The following ARSJ variants were observed in gnomAD, a reference collection of about 807,000 sequenced individuals.
The protein encoded by ARSJ is arylsulfatase family member J.
Under a neutral mutation model 35.9 loss-of-function variants are expected in ARSJ, and 26 were observed. The ratio of observed to expected loss-of-function variants is 0.72; its 90% CI spans 0.53 to 1.00. The LOEUF is 1.00. Among genes scored for constraint, ARSJ ranks in the 50% least tolerant of loss-of-function variants. ARSJ has a pLI of 0.00. For synonymous variants in ARSJ, 294 were observed against 267.6 expected (o/e 1.10, Z -0.96); for missense variants, 667 against 723.6 (o/e 0.92, Z 0.90).
chr4:113,942,556 G>A (rs1042531862), intron 1 of ARSJ, among the ~76,000 whole-genome samples: 19 of 151,878 alleles, frequency 1.3e-4, no homozygotes, highest in Non-Finnish European at 1.9e-4. Flanking sequence ...AGGCTACTTC[G>A]AATGCCATCT....
intron 1 of ARSJ, among the ~76,000 whole-genome samples, chr4:113,936,296 T>C (rs1724763146): frequency 6.6e-6 from 1 of 151,924 alleles, no homozygotes; most frequent in Non-Finnish European, 1.5e-5. Context: ...CACTGATAAG[T>C]GATATTTGTT....
rs532669672 is a variant in ARSJ, at chr4:113,978,805, C to T, written c.30G>A (p.Pro10=). 91 of 1,611,782 alleles carry T rather than the reference C, an allele frequency of 5.6e-5. No homozygotes were observed. The highest frequency in any genetic ancestry group is 9.9e-5 in the South Asian group (9 of 90,732). The part of the protein sequence containing the change: MAPRGCAGH[P]PPPSPQACVC... ...CACAGGCCTGTGGAGAAGGCGGAGG[C>T]GGATGCCCCGCACAGCCCCTGGGAG... The change falls in exon 1 of 2, where the codon CCG becomes CCA. Residue 10 remains proline (P), a synonymous_variant. Transcript: ENST00000315366.
chr4:113,973,170 T>C (rs1350891077), intron 1 of ARSJ, among the ~76,000 whole-genome samples: 3 of 152,226 alleles, frequency 2.0e-5, no homozygotes, highest in Non-Finnish European at 4.4e-5. Context: ...ATACTTTGCC[T>C]TCCTTACTTC....
At chr4:113,935,164 T>G (rs1724689779) in intron 1 of ARSJ, among the ~76,000 whole-genome samples, 1 of 151,828 alleles carries the variant, frequency 6.6e-6, no homozygotes, top group Non-Finnish European at 1.5e-5. Context: ...TAACTAAAGA[T>G]AGCTAGTCAG....
chr4:113,961,739 T>G (rs184667840), intron 1 of ARSJ, among the ~76,000 whole-genome samples: 6 of 152,250 alleles, frequency 3.9e-5, no homozygotes, highest in Non-Finnish European at 8.8e-5. Context: ...CTTCAAGTTT[T>G]AACAAAAATC....
chr4:113,964,460 T>C (rs925568771), intron 1 of ARSJ, among the ~76,000 whole-genome samples: 9 of 152,104 alleles, frequency 5.9e-5, no homozygotes, highest in Non-Finnish European at 1.3e-4. Context: ...AAAATAAGAA[T>C]ATATAAACTT....
intron 1 of ARSJ, among the ~76,000 whole-genome samples, chr4:113,952,289 C>T (rs1230374773): frequency 6.6e-6 from 1 of 152,066 alleles, no homozygotes; most frequent in Admixed American, 6.6e-5. Flanking sequence ...ATCACCAATT[C>T]CTGTAGTAAC....
At chr4:113,965,577 C>A (rs1172173898) in intron 1 of ARSJ, among the ~76,000 whole-genome samples, 2 of 151,896 alleles carry the variant, frequency 1.3e-5, no homozygotes, top group African/African-American at 2.4e-5. Context: ...TATAGATATA[C>A]ACATATATAG....
chr4:113,948,763 A>G (rs929735620), intron 1 of ARSJ, among the ~76,000 whole-genome samples: 1 of 152,136 alleles, frequency 6.6e-6, no homozygotes, highest in African/African-American at 2.4e-5. Context: ...GCACTGTGAC[A>G]TGGAGGAGTT....
chr4:113,922,851 T>G (rs1723770347), intron 1 of ARSJ, among the ~76,000 whole-genome samples: 1 of 152,144 alleles, frequency 6.6e-6, no homozygotes, highest in African/African-American at 2.4e-5. Flanking sequence ...CTATGTAAAG[T>G]TTAATTTTAT....
At chr4:113,904,524 G>A (rs573940959) in intron 1 of ARSJ, among the ~76,000 whole-genome samples, 3 of 152,096 alleles carry the variant, frequency 2.0e-5, no homozygotes, top group South Asian at 4.1e-4. Flanking sequence ...TCGCTCTGTC[G>A]CCCAGGCTGG....
At chr4:113,944,474 T>A (rs28442034) in intron 1 of ARSJ, among the ~76,000 whole-genome samples, 3,215 of 152,204 alleles carry the variant, frequency 0.021, 114 homozygotes, top group African/African-American at 0.073. Context: ...AGAGATCTAT[T>A]AACTACAATA....
rs775066916 is a variant in ARSJ at position 113,903,432 on chromosome 4, A to G, written c.642T>C (p.Ser214=). The part of the protein sequence containing the change: ...GDYYTHYKCD[S]PGMCGYDLYE... Reference sequence around the variant, plus strand: ...ACAAGTCATAGCCACACATCCCAGGACTGTCACATTTGTAGTGTGTATAGT... The same window carrying G: ...ACAAGTCATAGCCACACATCCCAGGGCTGTCACATTTGTAGTGTGTATAGT... The change falls in exon 2 of 2, where the codon AGT becomes AGC. Residue 214 remains serine (S), a synonymous_variant. Transcript: ENST00000315366. 6.8e-6 allele frequency: 11 copies of G among 1,614,158 alleles called. No homozygotes were observed. The highest frequency in any genetic ancestry group is 6.8e-6 in the Non-Finnish European group (8 of 1,180,022).
chr4:113,904,198 C>T (rs567570693), intron 1 of ARSJ, among the ~76,000 whole-genome samples: 3 of 152,038 alleles, frequency 2.0e-5, no homozygotes, highest in East Asian at 1.9e-4. Context: ...CAAAGTGCTG[C>T]GATTACAGGT....
rs72893499 is a variant in ARSJ, at chr4:113,954,844, T to C, written c.398+23593A>G. Among the ~76,000 whole-genome samples the C allele has an allele frequency of 1.0e-2, 1,515 of 152,180 alleles. 21 individuals carry two copies. Among genetic ancestry groups the C allele is most frequent in the African/African-American group, 0.034 (1,414 of 41,558 alleles). On this transcript the variant is annotated intron_variant, in intron 1 of 1. Transcript: ENST00000315366. Reference sequence around the variant, plus strand: ...CCAGATGTCTGGAAGCTCTTAGAGATGATTTTTATTTTTTCTAATACAGTC... The same window carrying C: ...CCAGATGTCTGGAAGCTCTTAGAGACGATTTTTATTTTTTCTAATACAGTC...
intron 1 of ARSJ, among the ~76,000 whole-genome samples, chr4:113,971,844 TG>T (rs943421843): frequency 2.6e-5 from 4 of 152,132 alleles, no homozygotes; most frequent in African/African-American, 9.7e-5. Flanking sequence ...AAGAAGTGGA[TG>T]GAAGAGGAAG....
intron 1 of ARSJ, among the ~76,000 whole-genome samples, chr4:113,965,630 A>G (rs1726844235): frequency 6.6e-6 from 1 of 152,156 alleles, no homozygotes; most frequent in Non-Finnish European, 1.5e-5. Context: ...CTAAGAATAT[A>G]TATTAGAGGG....
chr4:113,935,163 A>T (rs1209500818), intron 1 of ARSJ, among the ~76,000 whole-genome samples: 1 of 151,900 alleles, frequency 6.6e-6, no homozygotes, highest in Non-Finnish European at 1.5e-5. Context: ...TTAACTAAAG[A>T]TAGCTAGTCA....
In ARSJ at chr4:113,966,973, T is replaced by C. The variant is rs57267413; in HGVS notation, c.398+11464A>G. Among the ~76,000 whole-genome samples, 2,045 of 152,258 alleles carry C rather than the reference T, an allele frequency of 0.013. 115 individuals are homozygous for C. The East Asian group carries it at 0.16, about 12-fold the overall frequency. ...GTTTCAAGAAAAGCATATCATGGTA[T>C]CTCCTCAGGAAGGGGACAATGACCT... On this transcript the variant is annotated intron_variant, in intron 1 of 1. Coordinates refer to ENST00000315366, the MANE Select transcript of ARSJ (RefSeq NM_024590.4).
Sources: allele counts gnomAD v4.1 joint callset (sites outside exome capture counted in the v4.1 genomes callset), GRCh38; gene constraint gnomAD v4.1.1; transcripts MANE v1.5; gene names NCBI Gene and HGNC (gene_info 2026-07-23, HGNC 2026-07-21).